Variants in CNMD observed in about 807,000 individuals in gnomAD.
CNMD encodes the protein chondromodulin.
CNMD carries 30 observed loss-of-function variants against 37.5 expected under a neutral mutation model. That is an observed-to-expected ratio of 0.80 (90% CI 0.60 to 1.09). The LOEUF is 1.09. CNMD is among the 50% of genes least tolerant of loss of function. The pLI is 0.00. For missense variants in CNMD, 398 were observed against 423.9 expected, an observed-to-expected ratio of 0.94 and a Z score of 0.54; for synonymous variants, 167 against 148.2, an observed-to-expected ratio of 1.13 and a Z score of -0.92.
chr13:52,737,022 G>C (rs900910015), intron 2 of CNMD, among the ~76,000 whole-genome samples: 12 of 152,072 alleles, frequency 7.9e-5, no homozygotes, highest in Non-Finnish European at 1.8e-4. Flanking sequence ...CTGTCCTAAG[G>C]GGATTTACCC....
chr13:52,724,665 C>T (rs867073891), intron 3 of CNMD, among the ~76,000 whole-genome samples: 5 of 152,002 alleles, frequency 3.3e-5, no homozygotes, highest in Non-Finnish European at 4.4e-5. Flanking sequence ...GGGAGGCCGA[C>T]GCGGGCAGAT....
intron 4 of CNMD, among the ~76,000 whole-genome samples, chr13:52,722,990 T>C (rs1417847448): frequency 6.6e-6 from 1 of 152,206 alleles, no homozygotes; most frequent in African/African-American, 2.4e-5. Flanking sequence ...ATGAGTGCCC[T>C]GTGGCTGCTT....
intron 4 of CNMD, among the ~76,000 whole-genome samples, chr13:52,721,583 T>C (rs1306250171): frequency 1.3e-5 from 2 of 152,208 alleles, no homozygotes; most frequent in Non-Finnish European, 1.5e-5. Context: ...GGTGAGTCTA[T>C]GCCCCACCCT....
intron 4 of CNMD, among the ~76,000 whole-genome samples, chr13:52,716,984 G>A (rs1423809669): frequency 1.3e-5 from 2 of 152,166 alleles, no homozygotes; most frequent in African/African-American, 2.4e-5. Context: ...CCATGAGCAT[G>A]GAATGTTTTT....
chr13:52,725,444 T>A (rs1160896283), intron 3 of CNMD, among the ~76,000 whole-genome samples: 1 of 152,022 alleles, frequency 6.6e-6, no homozygotes, highest in Non-Finnish European at 1.5e-5. Flanking sequence ...TTTTTTTGTC[T>A]CCTGAGAGAT....
chr13:52,725,099 CCTT>C (rs1376873408), intron 3 of CNMD, among the ~76,000 whole-genome samples: 11 of 152,154 alleles, frequency 7.2e-5, no homozygotes, highest in Non-Finnish European at 7.3e-5. Context: ...TGAAATGCCA[CCTT>C]CTCCATGCAG....
chr13:52,713,434 T>C (rs1478263461), intron 4 of CNMD, among the ~76,000 whole-genome samples: 1 of 152,232 alleles, frequency 6.6e-6, no homozygotes, highest in Admixed American at 6.5e-5. Context: ...GATTTCAAAG[T>C]TAAACCCTGG....
chr13:52,706,000 C>T (rs546510961), intron 6 of CNMD, among the ~76,000 whole-genome samples: 2 of 152,300 alleles, frequency 1.3e-5, no homozygotes, highest in South Asian at 4.1e-4. Context: ...TTAGAAAATA[C>T]TTCTTGCTCC....
intron 3 of CNMD, among the ~76,000 whole-genome samples, chr13:52,729,303 T>G (rs938685664): frequency 4.6e-5 from 7 of 152,144 alleles, no homozygotes; most frequent in African/African-American, 1.7e-4. Flanking sequence ...CCTGGGACAG[T>G]CCTGAAGAAC....
At position 52,739,289 on chromosome 13, in the gene CNMD, C is replaced by G; in HGVS notation, c.73-118G>C. The stretch of plus-strand genomic sequence containing the variant: ...GAGTGGGGAGTCGGGCGGGAAACAG[C>G]TCGCCCGGGCTCCTACGGGTGCCCC... On this transcript the variant is annotated intron_variant, in intron 1 of 6. Transcript: ENST00000377962. The surrounding 1 kb of genome is among the most constrained non-coding windows in gnomAD (Gnocchi z 5.4). 1.6e-6 allele frequency: 2 copies of G among 1,218,420 alleles called. No homozygotes were observed. The highest frequency in any genetic ancestry group is 2.2e-6 in the Non-Finnish European group (2 of 916,670). The allele number at this position is 1,218,420 out of a possible 1,614,324, so 75.5% of individuals were successfully genotyped here. A position where few individuals can be genotyped will look rare whatever the true frequency, so the allele number is the denominator to read the frequency against.
At position 52,739,792 on chromosome 13, in the gene CNMD, G is replaced by T; in HGVS notation, c.-91C>A. ...CCGACGTGCAGGGCATTTCAACGCC[G>T]CGCGCACACACGGTGCACGGTCCCG... On this transcript the variant is annotated 5_prime_UTR_variant, in exon 1 of 7. Coordinates refer to ENST00000377962, the MANE Select transcript of CNMD (RefSeq NM_007015.3). This position sits in a 1 kb window ranked among gnomAD's most constrained non-coding sequence, Gnocchi z 5.4. The T allele has an allele frequency of 8.9e-7, 1 of 1,128,858 alleles. No homozygotes were observed. The highest frequency in any genetic ancestry group is 1.5e-5 in the African/African-American group (1 of 65,590). 69.9% of individuals were successfully genotyped at this position (1,128,858 alleles called of 1,614,324 possible).
intron 4 of CNMD, among the ~76,000 whole-genome samples, chr13:52,723,573 G>A (rs1261517454): frequency 1.3e-5 from 2 of 152,150 alleles, no homozygotes; most frequent in African/African-American, 4.8e-5. Flanking sequence ...AATTCCTTTG[G>A]CAGAGAAGAA....
chr13:52,732,215 T>C (rs944727366), intron 3 of CNMD, among the ~76,000 whole-genome samples: 5 of 152,180 alleles, frequency 3.3e-5, no homozygotes, highest in African/African-American at 7.2e-5. Flanking sequence ...CAATAAACTA[T>C]CAGAAGAGAC....
At chr13:52,721,706 T>C (rs536446654) in intron 4 of CNMD, among the ~76,000 whole-genome samples, 7 of 152,346 alleles carry the variant, frequency 4.6e-5, no homozygotes, top group Middle Eastern at 3.4e-3. Context: ...TTGATCTCAC[T>C]GGGAGCTGCA....
Position 52,723,982 on chromosome 13 carries a change from C to G in CNMD, c.468+15G>C. The G allele has an allele frequency of 6.6e-7, 1 of 1,511,280 alleles. No homozygotes were observed. Among genetic ancestry groups the G allele is most frequent in the Non-Finnish European group, 9.2e-7 (1 of 1,086,054 alleles). The allele number at this position is 1,511,280 out of a possible 1,614,324, so 93.6% of individuals were successfully genotyped here. A position where few individuals can be genotyped will look rare whatever the true frequency, so the allele number is the denominator to read the frequency against. On this transcript the variant is annotated intron_variant, in intron 4 of 6. Coordinates refer to ENST00000377962, the MANE Select transcript of CNMD (RefSeq NM_007015.3). The stretch of plus-strand genomic sequence containing the variant: ...TGCCAAGCAGTCTCACTGTCTCAGG[C>G]ATGTTGGTACCCACCAGTTTGGAGG...
chr13:52,709,511 GA>G (rs977260942), intron 5 of CNMD, among the ~76,000 whole-genome samples: 1 of 152,214 alleles, frequency 6.6e-6, no homozygotes, highest in Non-Finnish European at 1.5e-5. Context: ...CTATGGGATA[GA>G]AAAAGCAAAT....
intron 4 of CNMD, among the ~76,000 whole-genome samples, chr13:52,717,562 A>C (rs573365921): frequency 6.6e-6 from 1 of 152,314 alleles, no homozygotes; most frequent in African/African-American, 2.4e-5. Context: ...AGCGGTGTTA[A>C]ATTTTATTGA....
Position 52,739,818 on chromosome 13 carries a change from C to T in CNMD, c.-117G>A, listed in dbSNP as rs1964858016. On this transcript the variant is annotated 5_prime_UTR_variant, in exon 1 of 7. Transcript: ENST00000377962. The surrounding 1 kb of genome is among the most constrained non-coding windows in gnomAD (Gnocchi z 5.4). ...CGCGCACACACGGTGCACGGTCCCG[C>T]CTGGGCCAGCCCAGCGGTCCCCACC... The T allele has an allele frequency of 2.4e-6, 2 of 818,662 alleles. No homozygotes were observed. The highest frequency in any genetic ancestry group is 3.2e-5 in the South Asian group (2 of 62,092). The allele number at this position is 818,662 out of a possible 1,614,324, so 50.7% of individuals were successfully genotyped here. A position where few individuals can be genotyped will look rare whatever the true frequency, so the allele number is the denominator to read the frequency against.
intron 4 of CNMD, among the ~76,000 whole-genome samples, chr13:52,722,663 C>A (rs2138250861): frequency 6.6e-6 from 1 of 152,224 alleles, no homozygotes; most frequent in Non-Finnish European, 1.5e-5. Context: ...TCAATGGGAC[C>A]ATTTTGTAAG....
Sources: gnomAD v4.1 joint callset for allele counts (sites outside exome capture counted in the v4.1 genomes callset) on GRCh38, gnomAD v4.1.1 for gene constraint, Gnocchi (gnomAD v3.1) non-coding constraint, MANE v1.5 for transcripts, NCBI Gene and HGNC (gene_info 2026-07-23, HGNC 2026-07-21) for gene names.